The following STK35 variants were observed in gnomAD, a reference collection of about 807,000 sequenced individuals.
The protein encoded by STK35 is serine/threonine kinase 35.
STK35 carries 17 observed loss-of-function variants against 37.3 expected under a neutral mutation model. The observed-to-expected ratio is 0.46, with a 90% CI of 0.31 to 0.68. The LOEUF (loss-of-function observed/expected upper bound fraction) is 0.68. Among genes scored for constraint, STK35 ranks in the 30% least tolerant of loss-of-function variants. The probability of loss-of-function intolerance (pLI) is 0.05; values close to 1 mark genes in which losing one functional copy is unlikely to be tolerated. For missense variants in STK35, 595 were observed against 746.7 expected (o/e 0.80, Z 2.37); for synonymous variants, 385 against 319.1 (o/e 1.21, Z -2.20).
chr20:2,130,416 C>T (rs6075679), intron 3 of STK35, among the ~76,000 whole-genome samples: 1 of 152,126 alleles, frequency 6.6e-6, no homozygotes, highest in African/African-American at 2.4e-5. Flanking sequence ...CTCTTCTGTC[C>T]TTATTTGCAT....
At chr20:2,115,625 T>C (rs1485653292) in intron 2 of STK35, among the ~76,000 whole-genome samples, 3 of 152,190 alleles carry the variant, frequency 2.0e-5, no homozygotes, top group Non-Finnish European at 2.9e-5. Flanking sequence ...ATAAAGAACA[T>C]TGAGATTTGC....
intron 2 of STK35, among the ~76,000 whole-genome samples, chr20:2,108,254 A>G (rs1985553535): frequency 6.6e-6 from 1 of 152,210 alleles, no homozygotes; most frequent in African/African-American, 2.4e-5. Flanking sequence ...CACACCTGTA[A>G]TCCCAACACT....
chr20:2,114,293 G>T (rs6515110), intron 2 of STK35, among the ~76,000 whole-genome samples: 65,893 of 151,590 alleles, frequency 0.43, 15,409 homozygotes, highest in East Asian at 0.94. Flanking sequence ...GACTATTGAG[G>T]CCACTGCACC....
intron 2 of STK35, among the ~76,000 whole-genome samples, chr20:2,113,175 A>T (rs746192589): frequency 1.4e-4 from 22 of 152,146 alleles, no homozygotes; most frequent in Middle Eastern, 3.2e-3. Context: ...TCCTCAATGC[A>T]CAGGCACCTT....
chr20:2,118,581 CA>C (rs11295812), intron 3 of STK35, among the ~76,000 whole-genome samples: 45,376 of 141,770 alleles, frequency 0.32, 8,324 homozygotes, highest in East Asian at 0.92. Context: ...GACTCCGTCT[CA>C]AAAAAAAAAA....
chr20:2,103,349 G>A lies in STK35; in HGVS notation c.876G>A (p.Val292=). 6.2e-7 allele frequency: 1 copy of A among 1,611,510 alleles called. No individual in the cohort carries two copies. The highest frequency in any genetic ancestry group is 8.5e-7 in the Non-Finnish European group (1 of 1,178,742). ...GCTCGCAGCTTTACCTGCGCCTGGT[G>A]GAGACCTCGCTGAAAGGTAGGAGCA... The part of the protein sequence containing the change: ...NKSSQLYLRL[V]ETSLKGERIL... Residue 292 remains valine (V), a synonymous_variant, in exon 2 of 4, where the codon GTG becomes GTA. Transcript: ENST00000381482.
chr20:2,133,695 A>G (rs1203586869), intron 3 of STK35, among the ~76,000 whole-genome samples: 3 of 152,192 alleles, frequency 2.0e-5, no homozygotes, highest in African/African-American at 7.2e-5. Context: ...AAATCTCAGA[A>G]TCTGCAGTCT....
At chr20:2,114,823 A>C (rs1249657148) in intron 2 of STK35, among the ~76,000 whole-genome samples, 4 of 152,118 alleles carry the variant, frequency 2.6e-5, no homozygotes, top group Non-Finnish European at 4.4e-5. Flanking sequence ...TTATTCCCCC[A>C]CCAGAAGTTT....
rs1386927481 is a variant in STK35 at position 2,127,007 on chromosome 20, T to TTGATG, written c.*37+9595_*37+9599dup. On this transcript the variant is annotated intron_variant, in intron 3 of 3. Coordinates refer to ENST00000381482, the MANE Select transcript of STK35 (RefSeq NM_080836.4). ...ATTTTTCCAGGCTGCAAAAAGCATC[T>TTGATG]TGATGTGGGGCTTGGGGAAGTCGCC... 2.2e-4 allele frequency among the ~76,000 whole-genome samples: 33 copies of TTGATG among 152,306 alleles called. No homozygotes were observed. The East Asian group carries it at 5.6e-3, about 26-fold the overall frequency.
intron 3 of STK35, 57 bp from the exon 4 acceptor site, chr20:2,143,727 G>C (rs1366204442): frequency 2.9e-6 from 1 of 340,548 alleles, no homozygotes; most frequent in Admixed American, 4.5e-5. Context: ...TGGGTTGAGG[G>C]CTGGTGCCCA....
chr20:2,126,692 C>T lies in STK35; in HGVS notation c.*37+9277C>T, dbSNP rs572707549. ...ACAAAATCAGAGGAAATGGAGATCT[C>T]CTCCAGCGTTTCTAGGATTCAGAGG... is the stretch of plus-strand genomic sequence containing the variant. On this transcript the variant is annotated intron_variant, in intron 3 of 3. Transcript: ENST00000381482. 1.8e-4 allele frequency among the ~76,000 whole-genome samples: 28 copies of T among 152,270 alleles called. No homozygotes were observed. In the South Asian group the frequency reaches 3.5e-3, roughly 19 times the overall value.
intron 3 of STK35, among the ~76,000 whole-genome samples, chr20:2,122,995 C>T (rs2122562300): frequency 6.6e-6 from 1 of 152,296 alleles, no homozygotes; most frequent in South Asian, 2.1e-4. Flanking sequence ...CTAATGGCTC[C>T]TACCAGCTAG....
intron 3 of STK35, among the ~76,000 whole-genome samples, chr20:2,141,455 G>A (rs1430146471): frequency 2.0e-5 from 3 of 152,154 alleles, no homozygotes; most frequent in South Asian, 2.1e-4. Context: ...CTAACCTCCC[G>A]TTTGGCAGTG....
intron 3 of STK35, among the ~76,000 whole-genome samples, chr20:2,138,250 T>C (rs950065348): frequency 6.6e-6 from 1 of 152,208 alleles, no homozygotes; most frequent in Non-Finnish European, 1.5e-5. Context: ...TTCTTTTCTA[T>C]TAACTAAATC....
At chr20:2,140,008 G>T (rs1487186459) in intron 3 of STK35, among the ~76,000 whole-genome samples, 1 of 152,174 alleles carries the variant, frequency 6.6e-6, no homozygotes, top group Non-Finnish European at 1.5e-5. Flanking sequence ...ACTTTGGGTA[G>T]TAAAGCTGGA....
Position 2,146,181 on chromosome 20 carries a change from T to G in STK35, c.*2435T>G, listed in dbSNP as rs2122598851. ...CCCTTGCTTCTTACCCCTCCCCTGC[T>G]TTCTCAAACACTTGCCCACCTCAGG... On this transcript the variant is annotated 3_prime_UTR_variant, in exon 4 of 4. Coordinates refer to ENST00000381482, the MANE Select transcript of STK35 (RefSeq NM_080836.4). 6.6e-6 allele frequency: 1 copy of G among 152,394 alleles called. No individual in the cohort carries two copies. The allele number at this position is 152,394 out of a possible 1,614,324, so 9.4% of individuals were successfully genotyped here. A position where few individuals can be genotyped will look rare whatever the true frequency, so the allele number is the denominator to read the frequency against.
intron 3 of STK35, among the ~76,000 whole-genome samples, chr20:2,132,743 A>G (rs1986021741): frequency 6.6e-6 from 1 of 152,242 alleles, no homozygotes; most frequent in South Asian, 2.1e-4. Context: ...TATTGGTGTC[A>G]AGACATCAAC....
intron 2 of STK35, among the ~76,000 whole-genome samples, chr20:2,109,972 G>T (rs1368907795): frequency 2.6e-5 from 4 of 152,240 alleles, no homozygotes; most frequent in Non-Finnish European, 5.9e-5. Context: ...TTTTGCCCTG[G>T]CAGCCAACAG....
At position 2,102,008 on chromosome 20, in the gene STK35, T is replaced by A. The variant is rs1985396071; in HGVS notation, c.127T>A (p.Ser43Thr). ...CCACGGGAGCCTAGGAGCCCAGGCT[T>A]CCCCAGCGAGCGCCGCGGCAGCAGA... Reference protein sequence around the residue: ...ESHGSLGAQASPASAAAAEGS... With the variant: ...ESHGSLGAQATPASAAAAEGS... Residue 43 changes from serine to threonine, a missense_variant, in exon 1 of 4, where the codon TCC becomes ACC. Ser to Thr is a moderately conservative substitution (Grantham distance 58). Around this residue, in one of 3 missense-constraint regions of STK35, gnomAD observed 389 missense variants for 320.0 expected, o/e 1.22. Coordinates refer to ENST00000381482, the MANE Select transcript of STK35 (RefSeq NM_080836.4). The A allele has an allele frequency of 6.5e-7, 1 of 1,527,280 alleles. No individual in the cohort carries two copies. The highest frequency in any genetic ancestry group is 8.8e-7 in the Non-Finnish European group (1 of 1,142,656). 94.6% of individuals were successfully genotyped at this position (1,527,280 alleles called of 1,614,324 possible).
Sources: gnomAD v4.1 joint callset for allele counts (sites outside exome capture counted in the v4.1 genomes callset) on GRCh38, gnomAD v4.1.1 for gene constraint, gnomAD v4.1.1 regional missense constraint, MANE v1.5 for transcripts, NCBI Gene and HGNC (gene_info 2026-07-23, HGNC 2026-07-21) for gene names.